The following GPR15 variants were observed in gnomAD, a reference collection of about 807,000 sequenced individuals.
GPR15 encodes the protein brother of Bonzo.
In GPR15, 16 loss-of-function variants were observed where a neutral mutation model predicts 19.3. The ratio of observed to expected loss-of-function variants is 0.83; its 90% CI spans 0.56 to 1.26. The LOEUF is 1.26. GPR15 is among the 50% of genes most tolerant of loss of function. The pLI, the probability that GPR15 is intolerant of heterozygous loss-of-function variation, is 0.00. For synonymous variants in GPR15, 170 were observed against 171.2 expected (o/e 0.99, Z 0.05); for missense variants, 458 against 429.4 (o/e 1.07, Z -0.59).
Position 98,532,512 on chromosome 3 carries a change from T to G in GPR15, c.479T>G (p.Ile160Ser). 1 of 1,614,174 alleles carries G rather than the reference T, an allele frequency of 6.2e-7. No individual in the cohort carries two copies. Among genetic ancestry groups the G allele is most frequent in the Non-Finnish European group, 8.5e-7 (1 of 1,180,030 alleles). ...AYVVCASIWF[I>S]SCLLGLPTLL... ...GTAGTCTGTGCCAGCATCTGGTTTA[T>G]CTCCTGCCTGCTGGGGTTGCCTACT... is the stretch of plus-strand genomic sequence containing the variant. Residue 160 changes from isoleucine (I) to serine (S), a missense_variant, in exon 1 of 1, where the codon ATC becomes AGC. Transcript: ENST00000284311.
chr3:98,533,474 A>C lies in GPR15; in HGVS notation c.*358A>C, dbSNP rs543845325. ...CAAAAACCATGGTACCTTCATCCCC[A>C]CCACCCTTCATACTGGGCTCTAAAT... On this transcript the variant is annotated 3_prime_UTR_variant, in exon 1 of 1. Transcript: ENST00000284311. 6.6e-6 allele frequency among the ~76,000 whole-genome samples: 1 copy of C among 152,208 alleles called. No homozygotes were observed. The highest frequency in any genetic ancestry group is 2.4e-5 in the African/African-American group (1 of 41,524).
In GPR15 at chr3:98,532,352, A is replaced by T. The variant is rs1447064526; in HGVS notation, c.319A>T (p.Lys107Ter). The change falls in exon 1 of 1, where the codon AAA (lysine) becomes TAA (stop). Residue 107 changes from lysine to a stop codon, truncating the protein, a stop_gained. Transcript: ENST00000284311. LOFTEE classifies it high-confidence loss of function. ...GLWRTGSFLCKGSSYMISVNM... is the reference protein window; with the variant it reads ...GLWRTGSFLC The stretch of plus-strand genomic sequence containing the variant: ...GTGGAGGACGGGCTCCTTCCTGTGC[A>T]AAGGGAGCTCCTACATGATCTCCGT... 1 of 1,614,074 alleles carries T rather than the reference A, an allele frequency of 6.2e-7. No homozygotes were observed. The highest frequency in any genetic ancestry group is 8.5e-7 in the Non-Finnish European group (1 of 1,180,038).
rs771996833 is a variant in GPR15 at position 98,532,150 on chromosome 3, T to C, written c.117T>C (p.Phe39=). The change falls in exon 1 of 1, where the codon TTT becomes TTC. Residue 39 remains phenylalanine (F), a synonymous_variant. Transcript: ENST00000284311. ...ACACCTCTGTCTTCCTTCCAGTCTTTTACACAGCTGTGTTCCTGACTGGAG... is the reference window on the plus strand; with the variant it reads ...ACACCTCTGTCTTCCTTCCAGTCTTCTACACAGCTGTGTTCCTGACTGGAG... ...VPYTSVFLPV[F]YTAVFLTGVL... 1 of 1,614,206 alleles carries C rather than the reference T, an allele frequency of 6.2e-7. No individual in the cohort carries two copies. The highest frequency in any genetic ancestry group is 1.1e-5 in the South Asian group (1 of 91,084).
Position 98,532,415 on chromosome 3 carries a change from AGT to A in GPR15, c.385_386del (p.Val129Ter). 6.2e-7 allele frequency: 1 copy of A among 1,614,098 alleles called. No homozygotes were observed. ...CAGTGTCCTCCTGCTCACTTGCATG[AGT>A]GTTGACCGCTACCTGGCCATTGTGT... ...HCSVLLLTCM[S>X]VDRYLAIVWP... On this transcript the variant is annotated frameshift_variant, in exon 1 of 1. Transcript: ENST00000284311. LOFTEE classifies it high-confidence loss of function.
chr3:98,532,834 T>C lies in GPR15; in HGVS notation c.801T>C (p.Ser267=). ...CTTTCAAGTTCCTGGCCATTGTCTCTGGGTTGCGGCAAGAACACTATTTAC... is the reference window on the plus strand; with the variant it reads ...CTTTCAAGTTCCTGGCCATTGTCTCCGGGTTGCGGCAAGAACACTATTTAC... ...FNTFKFLAIV[S]GLRQEHYLPS... The change falls in exon 1 of 1, where the codon TCT becomes TCC. Residue 267 remains serine (S), a synonymous_variant. Transcript: ENST00000284311. 3.7e-6 allele frequency: 6 copies of C among 1,614,044 alleles called. No individual in the cohort carries two copies. The highest frequency in any genetic ancestry group is 5.1e-6 in the Non-Finnish European group (6 of 1,179,908).
chr3:98,532,320 T>C lies in GPR15; in HGVS notation c.287T>C (p.Leu96Pro), dbSNP rs1347944161. 6.2e-7 allele frequency: 1 copy of C among 1,614,162 alleles called. No individual in the cohort carries two copies. ...LPLWVDKEAS[L>P]GLWRTGSFLC... Reference sequence around the variant, plus strand: ...CTCTGGGTGGATAAAGAAGCATCTCTAGGACTGTGGAGGACGGGCTCCTTC... The same window carrying C: ...CTCTGGGTGGATAAAGAAGCATCTCCAGGACTGTGGAGGACGGGCTCCTTC... The change falls in exon 1 of 1, where the codon CTA becomes CCA. Residue 96 changes from leucine to proline, a missense_variant. By Grantham distance (98) the Leu-to-Pro change is moderately conservative (BLOSUM62 -3). Coordinates refer to ENST00000284311, the MANE Select transcript of GPR15 (RefSeq NM_005290.4).
rs565188150 is a variant in GPR15 at position 98,533,699 on chromosome 3, C to T, written c.*583C>T. The stretch of plus-strand genomic sequence containing the variant: ...CATTGTGCTTCATCCTATGCCTATT[C>T]ACAATGGCTTTGGACTGGCAAAAAA... On this transcript the variant is annotated 3_prime_UTR_variant, in exon 1 of 1. Transcript: ENST00000284311. Among the ~76,000 whole-genome samples the T allele has an allele frequency of 3.3e-5, 5 of 152,222 alleles. No homozygotes were observed. In the East Asian group the frequency reaches 9.6e-4, roughly 29 times the overall value.
rs145928800 is a variant in GPR15 at position 98,532,106 on chromosome 3, A to C, written c.73A>C (p.Thr25Pro). ...GAGCCCAAACTCTGACATCAGGGAG[A>C]CCCACTCCCATGTTCCTTACACCTC... ...ATSPNSDIRETHSHVPYTSVF... is the reference protein window; with the variant it reads ...ATSPNSDIREPHSHVPYTSVF... Residue 25 changes from threonine to proline, a missense_variant, in exon 1 of 1, where the codon ACC (threonine) becomes CCC (proline). Coordinates refer to ENST00000284311, the MANE Select transcript of GPR15 (RefSeq NM_005290.4). 1 of 1,613,844 alleles carries C rather than the reference A, an allele frequency of 6.2e-7. No individual in the cohort carries two copies. The highest frequency in any genetic ancestry group is 1.7e-5 in the Admixed American group (1 of 59,988).
At position 98,533,319 on chromosome 3, in the gene GPR15, G is replaced by C. The variant is rs918105908; in HGVS notation, c.*203G>C. 2.6e-5 allele frequency among the ~76,000 whole-genome samples: 4 copies of C among 152,022 alleles called. No individual in the cohort carries two copies. Among genetic ancestry groups the C allele is most frequent in the Non-Finnish European group, 5.9e-5 (4 of 68,018 alleles). The stretch of plus-strand genomic sequence containing the variant: ...TTTTCTCAGCTAAGCAGCCTTCTTC[G>C]ACCCTTGCCAATCAAGTCCACCAGA... On this transcript the variant is annotated 3_prime_UTR_variant, in exon 1 of 1. Transcript: ENST00000284311.
chr3:98,533,578 T>C lies in GPR15; in HGVS notation c.*462T>C, dbSNP rs1361580651. On this transcript the variant is annotated 3_prime_UTR_variant, in exon 1 of 1. Transcript: ENST00000284311. ...CAATGCAGGTAACAAAAATATAATA[T>C]ACCTGCACTGTGCAATTAATTGTTT... is the stretch of plus-strand genomic sequence containing the variant. 1.3e-5 allele frequency among the ~76,000 whole-genome samples: 2 copies of C among 152,202 alleles called. No individual in the cohort carries two copies. Among genetic ancestry groups the C allele is most frequent in the African/African-American group, 2.4e-5 (1 of 41,458 alleles).
rs1706671050 is a variant in GPR15 at position 98,533,403 on chromosome 3, T to C, written c.*287T>C. ...GGATAAAGGCTCCTGCTTGAACCAG[T>C]CCCTTTCTTCATGATTGTTAATGCA... On this transcript the variant is annotated 3_prime_UTR_variant, in exon 1 of 1. Coordinates refer to ENST00000284311, the MANE Select transcript of GPR15 (RefSeq NM_005290.4). 6.6e-6 allele frequency among the ~76,000 whole-genome samples: 1 copy of C among 152,112 alleles called. No homozygotes were observed. The highest frequency in any genetic ancestry group is 2.1e-4 in the South Asian group (1 of 4,816).
Position 98,532,705 on chromosome 3 carries a change from C to T in GPR15, c.672C>T (p.Ala224=). The T allele has an allele frequency of 1.2e-6, 2 of 1,614,038 alleles. No individual in the cohort carries two copies. The highest frequency in any genetic ancestry group is 2.2e-5 in the South Asian group (2 of 91,074). The change falls in exon 1 of 1, where the codon GCC becomes GCT. Residue 224 remains alanine (A), a synonymous_variant. Transcript: ENST00000284311. The part of the protein sequence containing the change: ...CYCCIARKLC[A]HYQQSGKHNK... ...GTTGCATTGCAAGGAAGCTGTGTGC[C>T]CATTACCAGCAATCAGGAAAGCACA...
rs767858005 is a variant in GPR15, at chr3:98,532,287, C to T, written c.254C>T (p.Thr85Ile). 3 of 1,614,196 alleles carry T rather than the reference C, an allele frequency of 1.9e-6. No individual in the cohort carries two copies. In the South Asian group the frequency reaches 3.3e-5, roughly 18 times the overall value. ...LAASDFIFLV[T>I]LPLWVDKEAS... ...GCCTCTGACTTCATTTTTCTTGTCA[C>T]ATTGCCTCTCTGGGTGGATAAAGAA... is the stretch of plus-strand genomic sequence containing the variant. The change falls in exon 1 of 1, where the codon ACA (threonine) becomes ATA (isoleucine). Residue 85 changes from threonine (T) to isoleucine (I), a missense_variant. Thr to Ile is a moderately conservative substitution (Grantham distance 89). Transcript: ENST00000284311.
Position 98,532,822 on chromosome 3 carries a change from G to T in GPR15, c.789G>T (p.Leu263=), listed in dbSNP as rs1202040314. The part of the protein sequence containing the change: ...SWLPFNTFKF[L]AIVSGLRQEH... Reference sequence around the variant, plus strand: ...TGCCCTTCAATACTTTCAAGTTCCTGGCCATTGTCTCTGGGTTGCGGCAAG... The same window carrying T: ...TGCCCTTCAATACTTTCAAGTTCCTTGCCATTGTCTCTGGGTTGCGGCAAG... Residue 263 remains leucine, a synonymous_variant, in exon 1 of 1, where the codon CTG becomes CTT. Transcript: ENST00000284311. 3 of 1,613,954 alleles carry T rather than the reference G, an allele frequency of 1.9e-6. No individual in the cohort carries two copies. The highest frequency in any genetic ancestry group is 1.1e-5 in the South Asian group (1 of 91,078).
In GPR15 at chr3:98,533,395, TGAACCAG is replaced by T. The variant is rs1283377997; in HGVS notation, c.*280_*286del. Among the ~76,000 whole-genome samples, 1 of 152,166 alleles carries T rather than the reference TGAACCAG, an allele frequency of 6.6e-6. No homozygotes were observed. Among genetic ancestry groups the T allele is most frequent in the Non-Finnish European group, 1.5e-5 (1 of 68,036 alleles). On this transcript the variant is annotated 3_prime_UTR_variant, in exon 1 of 1. Coordinates refer to ENST00000284311, the MANE Select transcript of GPR15 (RefSeq NM_005290.4). ...GAACTCCTGGATAAAGGCTCCTGCT[TGAACCAG>T]TCCCTTTCTTCATGATTGTTAATGC...
In GPR15 at chr3:98,532,680, G is replaced by A. The variant is rs746255006; in HGVS notation, c.647G>A (p.Cys216Tyr). 1.1e-5 allele frequency: 18 copies of A among 1,614,134 alleles called. No homozygotes were observed. Among genetic ancestry groups the A allele is most frequent in the South Asian group, 9.9e-5 (9 of 91,082 alleles). The change falls in exon 1 of 1, where the codon TGT (cysteine) becomes TAT (tyrosine). Residue 216 changes from cysteine (C) to tyrosine (Y), a missense_variant. Transcript: ENST00000284311. ...VPLLSIVTCYCCIARKLCAHY... is the reference protein window; with the variant it reads ...VPLLSIVTCYYCIARKLCAHY... ...TTGTTGAGCATTGTGACCTGCTACT[G>A]TTGCATTGCAAGGAAGCTGTGTGCC...
chr3:98,533,928 T>C lies in GPR15; in HGVS notation c.*812T>C, dbSNP rs1312129378. On this transcript the variant is annotated 3_prime_UTR_variant, in exon 1 of 1. Coordinates refer to ENST00000284311, the MANE Select transcript of GPR15 (RefSeq NM_005290.4). ...TATGCTCTTTTGTTTCCATTGGCTT[T>C]ATAAATTAGGATTTGACTTTGCTTT... Among the ~76,000 whole-genome samples the C allele has an allele frequency of 6.6e-6, 1 of 152,246 alleles. No homozygotes were observed. The highest frequency in any genetic ancestry group is 1.5e-5 in the Non-Finnish European group (1 of 68,034).
At position 98,532,612 on chromosome 3, in the gene GPR15, C is replaced by T; in HGVS notation, c.579C>T (p.Leu193=). The change falls in exon 1 of 1, where the codon CTC becomes CTT. Residue 193 remains leucine (L), a synonymous_variant. Coordinates refer to ENST00000284311, the MANE Select transcript of GPR15 (RefSeq NM_005290.4). ...CAEKKATPIK[L]IWSLVALIFT... ...AGAAAAAGGCAACTCCAATTAAACT[C>T]ATATGGTCCCTGGTGGCCTTAATTT... 1 of 1,614,222 alleles carries T rather than the reference C, an allele frequency of 6.2e-7. No individual in the cohort carries two copies. Among genetic ancestry groups the T allele is most frequent in the Non-Finnish European group, 8.5e-7 (1 of 1,180,048 alleles).
chr3:98,532,105 G>C lies in GPR15; in HGVS notation c.72G>C (p.Glu24Asp). 1.2e-6 allele frequency: 2 copies of C among 1,614,096 alleles called. No individual in the cohort carries two copies. The highest frequency in any genetic ancestry group is 1.7e-6 in the Non-Finnish European group (2 of 1,179,960). Residue 24 changes from glutamate (E) to aspartate (D), a missense_variant, in exon 1 of 1, where the codon GAG becomes GAC. Physicochemically the swap from Glu to Asp is conservative, Grantham distance 45 (BLOSUM62 2). Transcript: ENST00000284311. Reference protein sequence around the residue: ...YATSPNSDIRETHSHVPYTSV... With the variant: ...YATSPNSDIRDTHSHVPYTSV... ...CGAGCCCAAACTCTGACATCAGGGA[G>C]ACCCACTCCCATGTTCCTTACACCT...
Sources: allele counts gnomAD v4.1 joint callset (sites outside exome capture counted in the v4.1 genomes callset), GRCh38; gene constraint gnomAD v4.1.1; transcripts MANE v1.5; gene names NCBI Gene and HGNC (gene_info 2026-07-23, HGNC 2026-07-21).